Variants in LGSN observed in about 807,000 individuals in gnomAD.
LGSN encodes lengsin, lens protein with glutamine synthetase domain.
LGSN carries 21 observed loss-of-function variants against 19.5 expected under a neutral mutation model. That is an observed-to-expected ratio of 1.07 (90% CI 0.76 to 1.55). The LOEUF is 1.55. Among genes scored for constraint, LGSN ranks in the 40% most tolerant of loss-of-function variants. The pLI, the probability that LGSN is intolerant of heterozygous loss-of-function variation, is 0.00. For missense variants in LGSN, 673 were observed against 608.5 expected (o/e 1.11, Z -1.12); for synonymous variants, 257 against 215.6 (o/e 1.19, Z -1.68).
At chr6:63,423,565 A>C in the LGSN span, among the ~76,000 whole-genome samples, 1 of 149,550 alleles carries the variant, frequency 6.7e-6, no homozygotes, top group South Asian at 2.1e-4. Flanking sequence ...CAGAGGTTGC[A>C]GTCAACCAAG....
At chr6:63,404,596 C>A in the LGSN span, among the ~76,000 whole-genome samples, 1 of 151,968 alleles carries the variant, frequency 6.6e-6, no homozygotes, top group Non-Finnish European at 1.5e-5. Context: ...CATCTTCTCC[C>A]TGGAACTTCA....
chr6:63,467,763 C>T, the LGSN span, among the ~76,000 whole-genome samples: 2 of 152,152 alleles, frequency 1.3e-5, no homozygotes, highest in African/African-American at 4.8e-5. Context: ...GTGATCTCGG[C>T]TCACTGCAAC....
chr6:63,447,092 G>A, the LGSN span, among the ~76,000 whole-genome samples: 1 of 152,216 alleles, frequency 6.6e-6, no homozygotes, highest in Non-Finnish European at 1.5e-5. Context: ...AATCACTTTA[G>A]CATTGGATAG....
chr6:63,397,451 GAA>G, the LGSN span, among the ~76,000 whole-genome samples: 15,236 of 127,270 alleles, frequency 0.12, 1,563 homozygotes, highest in African/African-American at 0.3. Flanking sequence ...CGGCTTGGGA[GAA>G]AAAAAAAAAA....
the LGSN span, among the ~76,000 whole-genome samples, chr6:63,502,606 C>A: frequency 6.6e-6 from 1 of 152,182 alleles, no homozygotes; most frequent in African/African-American, 2.4e-5. Flanking sequence ...ATGTGACAAG[C>A]AATTAGGTCT....
At chr6:63,311,807 T>C (rs2127395137) in intron 1 of LGSN, among the ~76,000 whole-genome samples, 1 of 152,318 alleles carries the variant, frequency 6.6e-6, no homozygotes, top group African/African-American at 2.4e-5. Context: ...TTATTAACTG[T>C]AGTCACCATG....
the LGSN span, among the ~76,000 whole-genome samples, chr6:63,370,991 G>A: frequency 6.6e-5 from 10 of 152,208 alleles, no homozygotes; most frequent in Middle Eastern, 3.4e-3. Context: ...CAATTTTTGC[G>A]TATACATCAA....
the LGSN span, among the ~76,000 whole-genome samples, chr6:63,505,597 G>T: frequency 5.5e-3 from 647 of 117,170 alleles, 67 homozygotes; most frequent in African/African-American, 0.012. Context: ...AAGAAAGAAA[G>T]AAAGAAAGAA....
At chr6:63,372,033 T>C in the LGSN span, among the ~76,000 whole-genome samples, 1 of 152,236 alleles carries the variant, frequency 6.6e-6, no homozygotes, top group Non-Finnish European at 1.5e-5. Flanking sequence ...GGGTCTTCCT[T>C]GAGTTTGTTG....
At chr6:63,548,725 C>T in the LGSN span, 1 of 646,514 alleles carries the variant, frequency 1.5e-6, no homozygotes, top group Non-Finnish European at 2.8e-6. Context: ...AGCTTAGTTG[C>T]AAGTTCTTGA....
intron 3 of LGSN, 82 bp from the exon 4 acceptor site, chr6:63,281,302 A>AAAATATATATATATATATATATATAAT (rs1767303438): frequency 9.5e-6 from 1 of 105,480 alleles, no homozygotes; most frequent in Non-Finnish European, 1.8e-5. Context: ...CTTGCTAATG[A>AAAATATATATATATATATATATATAAT]AAATATATAT....
Position 63,280,185 on chromosome 6 carries a change from G to A in LGSN, c.1366C>T (p.Pro456Ser), listed in dbSNP as rs1186476734. ...DFYQVEPSEI[P>S]LKLEDALVAL... ...ACAAGGGCATCTTCTAGTTTTAAAGGGATCTCAGAAGGTTCCACTTGGTAA... is the reference window on the plus strand; with the variant it reads ...ACAAGGGCATCTTCTAGTTTTAAAGAGATCTCAGAAGGTTCCACTTGGTAA... Residue 456 changes from proline (P) to serine (S), a missense_variant, in exon 4 of 4, where the codon CCT becomes TCT. Coordinates refer to ENST00000370657, the MANE Select transcript of LGSN (RefSeq NM_016571.3). 7 of 1,614,050 alleles carry A rather than the reference G, an allele frequency of 4.3e-6. No homozygotes were observed. The highest frequency in any genetic ancestry group is 5.1e-6 in the Non-Finnish European group (6 of 1,180,034).
chr6:63,449,401 C>T, the LGSN span, among the ~76,000 whole-genome samples: 38 of 151,862 alleles, frequency 2.5e-4, no homozygotes, highest in African/African-American at 9.2e-4. Flanking sequence ...AAAAACTAGC[C>T]GGGCGTGGTG....
the LGSN span, among the ~76,000 whole-genome samples, chr6:63,506,848 A>T: frequency 2.0e-5 from 3 of 152,148 alleles, no homozygotes; most frequent in South Asian, 6.2e-4. Context: ...TTTGCCCACA[A>T]ATATCTCACT....
chr6:63,394,507 G>A, the LGSN span, among the ~76,000 whole-genome samples: 1 of 152,122 alleles, frequency 6.6e-6, no homozygotes, highest in African/African-American at 2.4e-5. Flanking sequence ...CAGTTCCAGG[G>A]GTATTGCCCA....
chr6:63,343,872 A>G, the LGSN span, among the ~76,000 whole-genome samples: 81 of 152,320 alleles, frequency 5.3e-4, no homozygotes, highest in African/African-American at 1.9e-3. Flanking sequence ...GGAAGCCACT[A>G]GGATTCAGTG....
chr6:63,377,931 A>AG, the LGSN span, among the ~76,000 whole-genome samples: 108 of 125,446 alleles, frequency 8.6e-4, no homozygotes, highest in Admixed American at 1.7e-3. Context: ...AAAAAAAAAA[A>AG]AAAAGAAAAG....
At chr6:63,439,928 C>G in the LGSN span, among the ~76,000 whole-genome samples, 1 of 152,172 alleles carries the variant, frequency 6.6e-6, no homozygotes, top group Non-Finnish European at 1.5e-5. Flanking sequence ...TCTCTTCTAG[C>G]TTTGAAATCT....
chr6:63,412,522 GAAAGAAGGAAA>G, the LGSN span, among the ~76,000 whole-genome samples: 992 of 95,540 alleles, frequency 0.01, no homozygotes, highest in Non-Finnish European at 0.015. Flanking sequence ...AAGAAAGAAA[GAAAGAAGGAAA>G]GAAAGAAAGA....
Sources: gnomAD v4.1 joint callset for allele counts (sites outside exome capture counted in the v4.1 genomes callset) on GRCh38, gnomAD v4.1.1 for gene constraint, MANE v1.5 for transcripts, NCBI Gene and HGNC (gene_info 2026-07-23, HGNC 2026-07-21) for gene names.